The following LRRTM4 variants were observed in gnomAD, a reference collection of about 807,000 sequenced individuals.
LRRTM4 encodes the protein leucine-rich repeat transmembrane neuronal protein 4.
In LRRTM4, 25 loss-of-function variants were observed where a neutral mutation model predicts 47.6. That is an observed-to-expected ratio of 0.53 (90% CI 0.38 to 0.73). LRRTM4 has a LOEUF of 0.73. Among genes scored for constraint, LRRTM4 ranks in the 30% least tolerant of loss-of-function variants. The pLI is 0.00. For synonymous variants in LRRTM4, 311 were observed against 269.5 expected (o/e 1.15, Z -1.51); for missense variants, 638 against 713.4 (o/e 0.89, Z 1.20).
At chr2:77,376,677 G>A (rs1288676132) in intron 3 of LRRTM4, among the ~76,000 whole-genome samples, 2 of 151,780 alleles carry the variant, frequency 1.3e-5, no homozygotes, top group Admixed American at 6.6e-5. Context: ...GGAGGCTGCA[G>A]AGGTAAAGTG....
intron 3 of LRRTM4, among the ~76,000 whole-genome samples, chr2:77,161,776 G>A (rs751183611): frequency 1.2e-4 from 19 of 152,054 alleles, no homozygotes; most frequent in Non-Finnish European, 2.8e-4. Context: ...CTGTGAAAAT[G>A]TCTTATTTAT....
chr2:77,514,294 A>G (rs1345383872), intron 3 of LRRTM4, among the ~76,000 whole-genome samples: 2 of 152,074 alleles, frequency 1.3e-5, no homozygotes, highest in Non-Finnish European at 2.9e-5. Context: ...TATATACATT[A>G]TGCTTAGTAG....
At chr2:77,517,832 T>G (rs1206229047) in intron 3 of LRRTM4, 12 of 986,012 alleles carry the variant, frequency 1.2e-5, no homozygotes, top group Middle Eastern at 5.2e-4. Flanking sequence ...TCATTAAAAC[T>G]AAAAATTTAC....
At chr2:76,972,666 C>T (rs557133925) in intron 3 of LRRTM4, among the ~76,000 whole-genome samples, 1 of 151,892 alleles carries the variant, frequency 6.6e-6, no homozygotes, top group Admixed American at 6.6e-5. Flanking sequence ...GTGATGTGCC[C>T]ACCTCGGCCT....
intron 3 of LRRTM4, among the ~76,000 whole-genome samples, chr2:77,085,504 G>T (rs1477556300): frequency 1.3e-5 from 2 of 151,172 alleles, no homozygotes; most frequent in East Asian, 1.9e-4. Flanking sequence ...GATTTATATA[G>T]TTTCCTATTC....
At chr2:76,889,100 CTTCAT>C (rs143369628) in intron 3 of LRRTM4, among the ~76,000 whole-genome samples, 21,941 of 151,642 alleles carry the variant, frequency 0.14, 1,965 homozygotes, top group Admixed American at 0.22. Context: ...AAATATACTA[CTTCAT>C]TTCATTTATT....
chr2:77,313,690 T>C (rs769696430), intron 3 of LRRTM4, among the ~76,000 whole-genome samples: 31 of 152,230 alleles, frequency 2.0e-4, no homozygotes, highest in Non-Finnish European at 2.6e-4. Flanking sequence ...ATCTGTGTGG[T>C]AATCCTGTCC....
chr2:77,230,115 G>A (rs890781790), intron 3 of LRRTM4, among the ~76,000 whole-genome samples: 5 of 151,896 alleles, frequency 3.3e-5, no homozygotes, highest in Non-Finnish European at 7.4e-5. Context: ...TGGAGTTTTC[G>A]GTATCTTGCT....
intron 3 of LRRTM4, among the ~76,000 whole-genome samples, chr2:77,081,692 A>C (rs1255095307): frequency 6.6e-6 from 1 of 152,188 alleles, no homozygotes; most frequent in African/African-American, 2.4e-5. Context: ...GCAGTTTATC[A>C]GTTAGGAAAC....
rs907161638 is a variant in LRRTM4, at chr2:77,404,903, G to A, written c.1551+113415C>T. On this transcript the variant is annotated intron_variant, in intron 3 of 3. Transcript: ENST00000409884. ...TTTTTAAAAAATAGCATTTAGTTAA[G>A]CAACAGGAATTATTGGGCATCTGTA... Among the ~76,000 whole-genome samples, 10 of 152,106 alleles carry A rather than the reference G, an allele frequency of 6.6e-5. No homozygotes were observed. In the South Asian group the frequency reaches 2.1e-3, roughly 32 times the overall value.
rs75215696 is a variant in LRRTM4 at position 77,074,801 on chromosome 2, T to C, written c.1552-325885A>G. ...GTAAGAATAGATTTTCTTCTAATTGTTGGTTGGCACTGAAAAGTTGTGTCA... is the reference window on the plus strand; with the variant it reads ...GTAAGAATAGATTTTCTTCTAATTGCTGGTTGGCACTGAAAAGTTGTGTCA... On this transcript the variant is annotated intron_variant, in intron 3 of 3. Transcript: ENST00000409884. 3.9e-5 allele frequency among the ~76,000 whole-genome samples: 6 copies of C among 152,286 alleles called. No homozygotes were observed. The East Asian group carries it at 1.2e-3, about 29-fold the overall frequency.
At chr2:76,980,981 A>G (rs1176226313) in intron 3 of LRRTM4, among the ~76,000 whole-genome samples, 2 of 152,084 alleles carry the variant, frequency 1.3e-5, no homozygotes, top group Non-Finnish European at 2.9e-5. Context: ...ATTCTTTAAC[A>G]CTGGCCTTTA....
At chr2:76,978,228 G>A (rs1313536061) in intron 3 of LRRTM4, among the ~76,000 whole-genome samples, 2 of 151,948 alleles carry the variant, frequency 1.3e-5, no homozygotes, top group African/African-American at 2.4e-5. Context: ...ATGACTCAGA[G>A]GGCAAGTTTC....
chr2:77,036,628 T>C (rs1042372747), intron 3 of LRRTM4, among the ~76,000 whole-genome samples: 1 of 151,766 alleles, frequency 6.6e-6, no homozygotes, highest in Non-Finnish European at 1.5e-5. Context: ...TTACGTATTC[T>C]GTGGAATATT....
chr2:77,076,414 G>C (rs1388877153), intron 3 of LRRTM4, among the ~76,000 whole-genome samples: 1 of 124,152 alleles, frequency 8.1e-6, no homozygotes, highest in Admixed American at 7.8e-5. Context: ...TGGGATAACA[G>C]TTTCAGCCCG....
chr2:76,778,367 TCGGCTGTGAATC>T (rs1674154167), intron 3 of LRRTM4, among the ~76,000 whole-genome samples: 2 of 142,164 alleles, frequency 1.4e-5, no homozygotes, highest in Admixed American at 1.4e-4. Context: ...CTGGTAGAAT[TCGGCTGTGAATC>T]CATCTGGTCC....
At chr2:77,052,354 G>A (rs1056389569) in intron 3 of LRRTM4, among the ~76,000 whole-genome samples, 2 of 151,600 alleles carry the variant, frequency 1.3e-5, no homozygotes, top group Admixed American at 1.3e-4. Flanking sequence ...ATTTTTAGTA[G>A]AGATGGGTTT....
intron 3 of LRRTM4, among the ~76,000 whole-genome samples, chr2:77,183,207 G>T (rs914971731): frequency 1.3e-5 from 2 of 152,072 alleles, no homozygotes; most frequent in African/African-American, 4.8e-5. Context: ...CTAATATCCA[G>T]AATCTACAAT....
chr2:77,440,857 G>T (rs1275383299), intron 3 of LRRTM4, among the ~76,000 whole-genome samples: 1 of 152,152 alleles, frequency 6.6e-6, no homozygotes, highest in Non-Finnish European at 1.5e-5. Context: ...ATTTGATTTT[G>T]CAGGAATGAG....
Sources: gnomAD v4.1 joint callset for allele counts (sites outside exome capture counted in the v4.1 genomes callset) on GRCh38, gnomAD v4.1.1 for gene constraint, MANE v1.5 for transcripts, NCBI Gene and HGNC (gene_info 2026-07-23, HGNC 2026-07-21) for gene names.